REV1: variants seen among roughly 807,000 people sequenced by gnomAD.
REV1 encodes REV1 DNA directed polymerase, also known as translesion synthesis protein REV1.
In REV1, 42 loss-of-function variants were observed where a neutral mutation model predicts 137.4. The observed-to-expected ratio is 0.31, with a 90% CI of 0.24 to 0.40. REV1 has a LOEUF of 0.40. REV1 is among the 10% of genes least tolerant of loss of function. The pLI is 1.00. For synonymous variants in REV1, 524 were observed against 519.2 expected (o/e 1.01, Z -0.12); for missense variants, 1,282 against 1,490.1 (o/e 0.86, Z 2.30).
intron 5 of REV1, 65 bp downstream of exon 5, chr2:99,442,252 C>CAAAAAAAAAAAAAAAAAAAAA (rs3070575): frequency 5.6e-6 from 3 of 536,860 alleles, no homozygotes; most frequent in African/African-American, 9.2e-5. Flanking sequence ...AACTCCATCT[C>CAAAAAAAAAAAAAAAAAAAAA]AAAAAAAAAA....
chr2:99,408,378 TAGGTCAA>T, intron 14 of REV1: 2 of 295,966 alleles, frequency 6.8e-6, no homozygotes, highest in Non-Finnish European at 1.2e-5. Context: ...AATGGACACT[TAGGTCAA>T]CTAAAAATAA....
At chr2:99,438,196 A>AGATT (rs143079301) in intron 6 of REV1, among the ~76,000 whole-genome samples, 1 of 151,508 alleles carries the variant, frequency 6.6e-6, no homozygotes, top group African/African-American at 2.4e-5. Context: ...CTCTATGTCA[A>AGATT]AATTAAAAAA....
In REV1 at chr2:99,429,905, C is replaced by T. The variant is rs28382907; in HGVS notation, c.1482G>A (p.Ala494=). The part of the protein sequence containing the change: ...DSSLWENPDS[A]QANGIDSVLS... ...AAACAGAATCAATTCCATTTGCTTGCGCAGAATCTGGATTCTCCCACAATG... is the reference window on the plus strand; with the variant it reads ...AAACAGAATCAATTCCATTTGCTTGTGCAGAATCTGGATTCTCCCACAATG... The change falls in exon 9 of 23, where the codon GCG becomes GCA. Residue 494 remains alanine, a synonymous_variant. Transcript: ENST00000258428. 1.9e-4 allele frequency: 310 copies of T among 1,602,308 alleles called. No homozygotes were observed. In the African/African-American group the frequency reaches 2.2e-3, roughly 11 times the overall value.
intron 5 of REV1, among the ~76,000 whole-genome samples, chr2:99,441,101 T>TA (rs1681434414): frequency 6.7e-6 from 1 of 149,774 alleles, no homozygotes; most frequent in South Asian, 2.1e-4. Flanking sequence ...TTAATGTGGG[T>TA]AAGAAAAGAA....
upstream of REV1, chr2:99,490,085 C>CCGTCCCCGCCCACGCCCCCTCCG (rs1687559701): frequency 6.9e-6 from 1 of 144,548 alleles, no homozygotes; most frequent in Admixed American, 6.8e-5. Flanking sequence ...CGCGCGCTCC[C>CCGTCCCCGCCCACGCCCCCTCCG]CGGCCCCGCT....
intron 1 of REV1, among the ~76,000 whole-genome samples, chr2:99,483,050 G>A (rs906422410): frequency 6.6e-6 from 1 of 150,538 alleles, no homozygotes; most frequent in Non-Finnish European, 1.5e-5. Context: ...TTTTTGTTAC[G>A]GTCTTTAAGA....
intron 1 of REV1, among the ~76,000 whole-genome samples, chr2:99,474,751 A>G (rs1685783664): frequency 6.6e-6 from 1 of 152,154 alleles, no homozygotes; most frequent in South Asian, 2.1e-4. Context: ...AAAAGAAAAA[A>G]ATCAGCCGAG....
chr2:99,458,632 A>G (rs1437307070), intron 3 of REV1, among the ~76,000 whole-genome samples: 1 of 152,216 alleles, frequency 6.6e-6, no homozygotes, highest in Non-Finnish European at 1.5e-5. Context: ...ACCAAGAAAT[A>G]ACTGTGATGT....
intron 1 of REV1, among the ~76,000 whole-genome samples, 160 bp downstream of exon 1, chr2:99,489,657 G>C (rs1357676947): frequency 1.3e-5 from 2 of 149,308 alleles, no homozygotes; most frequent in Non-Finnish European, 3.0e-5. Flanking sequence ...GGCCGCGACA[G>C]GACGGCCGCG....
chr2:99,429,734 G>A (rs188183122), intron 9 of REV1, 106 bp downstream of exon 9: 14 of 704,274 alleles, frequency 2.0e-5, no homozygotes, highest in South Asian at 1.2e-4. Flanking sequence ...CTCATAACAC[G>A]TCTGTAACAT....
Position 99,487,421 on chromosome 2 carries a change from G to C in REV1, c.-11+2396C>G, listed in dbSNP as rs930885907. 1.7e-5 allele frequency among the ~76,000 whole-genome samples: 2 copies of C among 117,996 alleles called. 1 individual carries two copies. The highest frequency in any genetic ancestry group is 3.7e-5 in the Non-Finnish European group (2 of 54,210). 77.4% of individuals were successfully genotyped at this position (117,996 alleles called of 152,430 possible). On this transcript the variant is annotated intron_variant, in intron 1 of 22. Coordinates refer to ENST00000258428, the MANE Select transcript of REV1 (RefSeq NM_016316.4). ...GGAGCAAGAGAAATAAACCAGTAAA[G>C]GCACTATGGAAACACTCCAACCAAG...
chr2:99,457,356 G>A (rs1683639113), intron 3 of REV1, among the ~76,000 whole-genome samples: 1 of 152,184 alleles, frequency 6.6e-6, no homozygotes. Context: ...CAAAATCCCA[G>A]CAAGGTATTT....
chr2:99,460,866 C>G (rs1489976107), intron 3 of REV1, among the ~76,000 whole-genome samples: 1 of 151,994 alleles, frequency 6.6e-6, no homozygotes, highest in African/African-American at 2.4e-5. Flanking sequence ...GTGATAAAAG[C>G]AGATTTAGAA....
At chr2:99,422,400 C>A (rs755172634) in intron 10 of REV1, among the ~76,000 whole-genome samples, 1 of 152,100 alleles carries the variant, frequency 6.6e-6, no homozygotes. Context: ...TCCCAAGAGG[C>A]CTCAGGATCA....
Position 99,489,100 on chromosome 2 carries a change from G to C in REV1, c.-11+717C>G, listed in dbSNP as rs578211811. 2.0e-3 allele frequency among the ~76,000 whole-genome samples: 308 copies of C among 152,266 alleles called. 2 individuals are homozygous for C. Among genetic ancestry groups the C allele is most frequent in the African/African-American group, 7.2e-3 (300 of 41,552 alleles). ...AGAGCAGCGAAACACAGCGCGGCTC[G>C]GTGCGCCCAGAGCGGCGTCACTGTA... On this transcript the variant is annotated intron_variant, in intron 1 of 22. Transcript: ENST00000258428.
At chr2:99,472,703 T>A (rs1001153237) in intron 1 of REV1, among the ~76,000 whole-genome samples, 33 of 152,206 alleles carry the variant, frequency 2.2e-4, no homozygotes, top group African/African-American at 7.2e-4. Flanking sequence ...GTTTTTTACT[T>A]TGAATTGGCA....
chr2:99,441,659 G>T (rs1211667499), intron 5 of REV1, among the ~76,000 whole-genome samples: 7 of 151,950 alleles, frequency 4.6e-5, no homozygotes, highest in Non-Finnish European at 5.9e-5. Context: ...AAATATAGCT[G>T]GTGCAGTTAG....
At chr2:99,460,585 AAG>A (rs1684071753) in intron 3 of REV1, among the ~76,000 whole-genome samples, 1 of 152,178 alleles carries the variant, frequency 6.6e-6, no homozygotes, top group African/African-American at 2.4e-5. Context: ...ATTACATCTA[AAG>A]AGTTATTTTT....
chr2:99,420,163 G>T (rs1244818101), intron 11 of REV1, among the ~76,000 whole-genome samples: 1 of 152,192 alleles, frequency 6.6e-6, no homozygotes, highest in African/African-American at 2.4e-5. Flanking sequence ...CCAACATCAG[G>T]GGGTAAAAGG....
Sources: gnomAD v4.1 joint callset for allele counts (sites outside exome capture counted in the v4.1 genomes callset) on GRCh38, gnomAD v4.1.1 for gene constraint, MANE v1.5 for transcripts, NCBI Gene and HGNC (gene_info 2026-07-23, HGNC 2026-07-21) for gene names.